Variants in CNN2 observed in about 807,000 individuals in gnomAD.
CNN2 encodes the protein calponin-2.
A neutral mutation model predicts 31.0 loss-of-function variants in CNN2; 21 were observed. That is an observed-to-expected ratio of 0.68 (90% CI 0.48 to 0.98). CNN2 has a LOEUF of 0.98. Among genes scored for constraint, CNN2 ranks in the 50% least tolerant of loss-of-function variants. The pLI is 0.00. For synonymous variants in CNN2, 165 were observed against 179.6 expected (o/e 0.92, Z 0.65); for missense variants, 399 against 427.3 (o/e 0.93, Z 0.58).
chr19:1,030,898 C>A, intron 1 of CNN2, 173 bp from the exon 2 acceptor site: 1 of 804,374 alleles, frequency 1.2e-6, no homozygotes, highest in Non-Finnish European at 2.0e-6. Flanking sequence ...GCTGGGGCGC[C>A]CCCAATGATG....
Position 1,026,613 on chromosome 19 carries a change from C to G in CNN2, c.-49C>G, listed in dbSNP as rs770339088. 32 of 1,409,176 alleles carry G rather than the reference C, an allele frequency of 2.3e-5. No homozygotes were observed. Among genetic ancestry groups the G allele is most frequent in the Non-Finnish European group, 2.8e-5 (30 of 1,059,874 alleles). 87.3% of individuals were successfully genotyped at this position (1,409,176 alleles called of 1,614,324 possible). On this transcript the variant is annotated 5_prime_UTR_variant, in exon 1 of 7. Transcript: ENST00000263097. ...CAACCCCGCGCCAGCCCGGCGGTCC[C>G]GTCCCGTCCCGTCCTGTGCGGCCCC...
At chr19:1,028,294 G>C (rs929649706) in intron 1 of CNN2, among the ~76,000 whole-genome samples, 1 of 152,096 alleles carries the variant, frequency 6.6e-6, no homozygotes, top group Admixed American at 6.5e-5. Context: ...CTGCCCTGGC[G>C]GGGGTGAGGA....
chr19:1,036,596 C>A, intron 6 of CNN2, 34 bp downstream of exon 6: 1 of 1,613,352 alleles, frequency 6.2e-7, no homozygotes, highest in Non-Finnish European at 8.5e-7. Context: ...GACTCCTCTC[C>A]CTGCCCCTCT....
In CNN2 at chr19:1,030,998, T is replaced by A; in HGVS notation, c.64-73T>A. Reference sequence around the variant, plus strand: ...CCCTGGAGTCCCCGGCCCCACCCTCTGCAGAGCTTCTGTGGGGTTCCTGCT... The same window carrying A: ...CCCTGGAGTCCCCGGCCCCACCCTCAGCAGAGCTTCTGTGGGGTTCCTGCT... On this transcript the variant is annotated intron_variant, in intron 1 of 6. Coordinates refer to ENST00000263097, the MANE Select transcript of CNN2 (RefSeq NM_004368.4). 2.6e-6 allele frequency: 4 copies of A among 1,534,460 alleles called. No homozygotes were observed. In the East Asian group the frequency reaches 9.5e-5, roughly 36 times the overall value.
rs905066995 is a variant in CNN2, at chr19:1,026,608, G to A, written c.-54G>A. The A allele has an allele frequency of 6.6e-6, 9 of 1,361,600 alleles. No homozygotes were observed. The highest frequency in any genetic ancestry group is 8.7e-6 in the Non-Finnish European group (9 of 1,038,138). 84.3% of individuals were successfully genotyped at this position (1,361,600 alleles called of 1,614,324 possible). On this transcript the variant is annotated 5_prime_UTR_variant, in exon 1 of 7. Transcript: ENST00000263097. ...CGTCCCAACCCCGCGCCAGCCCGGC[G>A]GTCCCGTCCCGTCCCGTCCTGTGCG... is the stretch of plus-strand genomic sequence containing the variant.
rs933833507 is a variant in CNN2 at position 1,031,015 on chromosome 19, G to A, written c.64-56G>A. The A allele has an allele frequency of 5.1e-6, 8 of 1,563,148 alleles. No individual in the cohort carries two copies. The African/African-American group carries it at 9.6e-5, about 19-fold the overall frequency. On this transcript the variant is annotated intron_variant, in intron 1 of 6. Transcript: ENST00000263097. ...CCACCCTCTGCAGAGCTTCTGTGGG[G>A]TTCCTGCTGGGGGTGCCCCCAGCCC...
chr19:1,037,521 C>G (rs2039609467), intron 6 of CNN2, 104 bp from the exon 7 acceptor site: 2 of 1,433,054 alleles, frequency 1.4e-6, no homozygotes, highest in African/African-American at 1.4e-5. Context: ...ATCCTCCCAC[C>G]TTGGCCTCCC....
Position 1,032,647 on chromosome 19 carries a change from G to T in CNN2, c.341G>T (p.Ser114Ile), listed in dbSNP as rs1599511322. ...TTCGAGGCCAACGACCTGTTTGAGA[G>T]TGGGAACATGACGCAGGTGCAGGTG... is the stretch of plus-strand genomic sequence containing the variant. ...DLFEANDLFE[S>I]GNMTQVQVSL... is the part of the protein sequence containing the mutation. The change falls in exon 4 of 7, where the codon AGT becomes ATT. Residue 114 changes from serine (S) to isoleucine (I), a missense_variant. Coordinates refer to ENST00000263097, the MANE Select transcript of CNN2 (RefSeq NM_004368.4). 1.2e-6 allele frequency: 2 copies of T among 1,612,544 alleles called. No individual in the cohort carries two copies. Among genetic ancestry groups the T allele is most frequent in the South Asian group, 1.1e-5 (1 of 91,040 alleles).
intron 6 of CNN2, 40 bp from the exon 7 acceptor site, chr19:1,037,585 C>T (rs72973561): frequency 0.17 from 277,850 of 1,596,332 alleles, 25,593 homozygotes; most frequent in Non-Finnish European, 0.19. Flanking sequence ...GTCCCCTCTT[C>T]TCTCCACCAT....
At chr19:1,032,493 T>C (rs374248457) in intron 3 of CNN2, 35 bp downstream of exon 3, 27 of 1,613,478 alleles carry the variant, frequency 1.7e-5, no homozygotes, top group Non-Finnish European at 2.1e-5. Context: ...GGGATGGTGC[T>C]GGGGGCCCAT....
At chr19:1,037,213 G>A (rs2039605160) in intron 6 of CNN2, 2 of 216,180 alleles carry the variant, frequency 9.3e-6, no homozygotes, top group Non-Finnish European at 9.5e-6. Context: ...GTGTTGGTCA[G>A]GCTAGTCTTG....
rs568485919 is a variant in CNN2, at chr19:1,036,086, T to C, written c.391-44T>C. The C allele has an allele frequency of 8.3e-5, 128 of 1,551,144 alleles. No homozygotes were observed. In the South Asian group the frequency reaches 1.0e-3, roughly 12 times the overall value. The stretch of plus-strand genomic sequence containing the variant: ...CCCCAGGGCCTAGATCTAGGGTCCC[T>C]GGCTGCCCTCTGCTGGTACTCCCGG... On this transcript the variant is annotated intron_variant, in intron 4 of 6. Coordinates refer to ENST00000263097, the MANE Select transcript of CNN2 (RefSeq NM_004368.4).
chr19:1,035,802 A>G (rs907348093), intron 4 of CNN2, among the ~76,000 whole-genome samples: 2 of 152,162 alleles, frequency 1.3e-5, no homozygotes, highest in African/African-American at 2.4e-5. Flanking sequence ...CACGCCTGTA[A>G]TCCTAGCTAC....
intron 4 of CNN2, chr19:1,032,912 G>A (rs1178744439): frequency 2.1e-6 from 1 of 474,772 alleles, no homozygotes; most frequent in African/African-American, 2.0e-5. Flanking sequence ...CCGAGTAGCT[G>A]GGATTACAGG....
chr19:1,027,407 G>A (rs1017124736), intron 1 of CNN2, among the ~76,000 whole-genome samples: 2 of 152,280 alleles, frequency 1.3e-5, no homozygotes, highest in Non-Finnish European at 2.9e-5. Flanking sequence ...GGGCGCGGGG[G>A]CTCACGCCCG....
intron 4 of CNN2, 184 bp from the exon 5 acceptor site, chr19:1,035,946 C>T (rs986018939): frequency 6.6e-5 from 55 of 832,322 alleles, no homozygotes; most frequent in Non-Finnish European, 8.6e-5. Flanking sequence ...AAAACTGAAA[C>T]AGCTGTATGA....
At chr19:1,029,888 G>A (rs1322560117) in intron 1 of CNN2, among the ~76,000 whole-genome samples, 2 of 151,992 alleles carry the variant, frequency 1.3e-5, no homozygotes, top group African/African-American at 2.4e-5. Context: ...TAGTACAGAC[G>A]GGATTTCACC....
chr19:1,032,871 C>G (rs963454183), intron 4 of CNN2, 175 bp downstream of exon 4: 6 of 578,322 alleles, frequency 1.0e-5, no homozygotes, highest in Non-Finnish European at 1.6e-5. Context: ...CTCCAACTCC[C>G]AGGTTCAAGC....
intron 1 of CNN2, among the ~76,000 whole-genome samples, chr19:1,028,578 T>G (rs2039436656): frequency 6.6e-6 from 1 of 152,136 alleles, no homozygotes; most frequent in Non-Finnish European, 1.5e-5. Flanking sequence ...CGGCCTTGCA[T>G]CCCGGCTTGG....
Sources: gnomAD v4.1 joint callset for allele counts (sites outside exome capture counted in the v4.1 genomes callset) on GRCh38, gnomAD v4.1.1 for gene constraint, MANE v1.5 for transcripts, NCBI Gene and HGNC (gene_info 2026-07-23, HGNC 2026-07-21) for gene names.